The following RALYL variants were observed in gnomAD, a reference collection of about 807,000 sequenced individuals.
RALYL encodes RALY RNA binding protein like.
A neutral mutation model predicts 35.1 loss-of-function variants in RALYL; 29 were observed. That is an observed-to-expected ratio of 0.83 (90% CI 0.61 to 1.13). The LOEUF (loss-of-function observed/expected upper bound fraction) is 1.13, where lower values mean the gene tolerates loss of function less well. Among genes scored for constraint, RALYL ranks in the 50% most tolerant of loss-of-function variants. The pLI, the probability that RALYL is intolerant of heterozygous loss-of-function variation, is 0.00. For synonymous variants in RALYL, 120 were observed against 127.6 expected (o/e 0.94, Z 0.40); for missense variants, 359 against 360.4 (o/e 1.00, Z 0.03).
At chr8:84,881,735 T>C (rs1183015319) in intron 7 of RALYL, among the ~76,000 whole-genome samples, 1 of 152,034 alleles carries the variant, frequency 6.6e-6, no homozygotes, top group Non-Finnish European at 1.5e-5. Context: ...ACCTGTAATT[T>C]GTACTTCTTT....
At chr8:84,217,166 A>G (rs1821032549) in intron 1 of RALYL, among the ~76,000 whole-genome samples, 2 of 152,118 alleles carry the variant, frequency 1.3e-5, no homozygotes, top group African/African-American at 4.8e-5. Context: ...AGCTCTTTCA[A>G]AACTGTGATC....
At position 84,920,923 on chromosome 8, in the gene RALYL, G is replaced by A. The variant is rs74688218; in HGVS notation, c.*12G>A. ...TACAGATAAAGTGATCTGAAATAAC[G>A]CATGATGCCACAAAGCAGAAAAGAG... is the stretch of plus-strand genomic sequence containing the variant. On this transcript the variant is annotated 3_prime_UTR_variant, in exon 9 of 9. Coordinates refer to ENST00000521268, the MANE Select transcript of RALYL (RefSeq NM_173848.7). 1.5e-4 allele frequency: 221 copies of A among 1,434,986 alleles called. No homozygotes were observed. The African/African-American group carries it at 2.8e-3, about 18-fold the overall frequency. The allele number at this position is 1,434,986 out of a possible 1,614,324, so 88.9% of individuals were successfully genotyped here.
chr8:84,584,601 C>CAA (rs34560691), intron 2 of RALYL, among the ~76,000 whole-genome samples: 26,838 of 133,112 alleles, frequency 0.2, 2,635 homozygotes, highest in Non-Finnish European at 0.24. Flanking sequence ...GACTCTGTCT[C>CAA]AAAAAAAAAA....
At chr8:84,482,693 T>G (rs141380932) in intron 1 of RALYL, among the ~76,000 whole-genome samples, 1 of 152,230 alleles carries the variant, frequency 6.6e-6, no homozygotes, top group Admixed American at 6.5e-5. Context: ...GTTTTTACTT[T>G]TTAAATTTCT....
chr8:84,785,569 C>T (rs1031131968), intron 3 of RALYL, among the ~76,000 whole-genome samples: 15 of 152,082 alleles, frequency 9.9e-5, no homozygotes, highest in African/African-American at 3.6e-4. Flanking sequence ...TTAAAGTATT[C>T]ATGTCTTTTG....
chr8:84,902,593 A>C (rs1486977557), intron 8 of RALYL, among the ~76,000 whole-genome samples: 1 of 152,172 alleles, frequency 6.6e-6, no homozygotes, highest in African/African-American at 2.4e-5. Flanking sequence ...CAGGCCTCCA[A>C]ATAGACACTC....
intron 2 of RALYL, among the ~76,000 whole-genome samples, chr8:84,670,609 A>G (rs1387624169): frequency 6.6e-6 from 1 of 152,164 alleles, no homozygotes; most frequent in Non-Finnish European, 1.5e-5. Flanking sequence ...GGAGGAGCAA[A>G]GCTATGTTTT....
intron 2 of RALYL, among the ~76,000 whole-genome samples, chr8:84,586,843 C>T (rs190282963): frequency 3.9e-4 from 59 of 152,140 alleles, no homozygotes; most frequent in African/African-American, 1.3e-3. Context: ...CTACTTGGAC[C>T]AACCATTGCT....
chr8:84,605,079 A>C (rs1321161113), intron 2 of RALYL, among the ~76,000 whole-genome samples: 1 of 152,136 alleles, frequency 6.6e-6, no homozygotes, highest in African/African-American at 2.4e-5. Context: ...AATCAAGGGA[A>C]GTCTCAGAAA....
At chr8:84,667,644 T>C (rs1832349489) in intron 2 of RALYL, among the ~76,000 whole-genome samples, 1 of 152,086 alleles carries the variant, frequency 6.6e-6, no homozygotes, top group Non-Finnish European at 1.5e-5. Flanking sequence ...TCCATTACAT[T>C]TTTTTTCCCT....
chr8:84,913,024 A>G (rs1256743205), intron 8 of RALYL, among the ~76,000 whole-genome samples: 47 of 111,684 alleles, frequency 4.2e-4, no homozygotes, highest in African/African-American at 1.3e-3. Flanking sequence ...GGATGGATGG[A>G]TGGATGGATA....
intron 2 of RALYL, among the ~76,000 whole-genome samples, chr8:84,545,237 C>T (rs151089552): frequency 4.1e-4 from 63 of 152,134 alleles, no homozygotes; most frequent in African/African-American, 1.3e-3. Flanking sequence ...TTAAAATTTC[C>T]GTAAGCAACC....
intron 2 of RALYL, among the ~76,000 whole-genome samples, chr8:84,644,176 A>G (rs931316693): frequency 3.3e-5 from 5 of 152,064 alleles, no homozygotes; most frequent in East Asian, 1.9e-4. Context: ...GGTTTCCACA[A>G]TATGCTTAAG....
intron 2 of RALYL, among the ~76,000 whole-genome samples, chr8:84,708,647 A>G (rs1841626895): frequency 1.3e-5 from 2 of 152,258 alleles, no homozygotes; most frequent in African/African-American, 4.8e-5. Flanking sequence ...GAGTCCATTT[A>G]AATACTAAGT....
rs377233834 is a variant in RALYL at position 84,868,538 on chromosome 8, C to T, written c.572-4746C>T. ...CACATTACTTAACTTCTCTAATATTCACTATTCAAATCCAAAAGTAAGTTT... is the reference window on the plus strand; with the variant it reads ...CACATTACTTAACTTCTCTAATATTTACTATTCAAATCCAAAAGTAAGTTT... On this transcript the variant is annotated intron_variant, in intron 6 of 8. Coordinates refer to ENST00000521268, the MANE Select transcript of RALYL (RefSeq NM_173848.7). Among the ~76,000 whole-genome samples, 65 of 152,262 alleles carry T rather than the reference C, an allele frequency of 4.3e-4. 2 individuals carry two copies. Among genetic ancestry groups the T allele is most frequent in the African/African-American group, 1.5e-3 (62 of 41,570 alleles).
chr8:84,739,154 G>A (rs1488706), intron 2 of RALYL, among the ~76,000 whole-genome samples: 40,890 of 151,804 alleles, frequency 0.27, 5,844 homozygotes, highest in African/African-American at 0.34. Context: ...TTCCTATTAA[G>A]AATTAAACTC....
intron 1 of RALYL, among the ~76,000 whole-genome samples, chr8:84,336,627 G>A (rs573346716): frequency 5.3e-5 from 8 of 152,016 alleles, no homozygotes; most frequent in Non-Finnish European, 1.0e-4. Context: ...TAAAAATAAA[G>A]CAACACAAAT....
At chr8:84,249,192 T>A (rs897957368) in intron 1 of RALYL, among the ~76,000 whole-genome samples, 2 of 152,030 alleles carry the variant, frequency 1.3e-5, no homozygotes, top group African/African-American at 4.8e-5. Flanking sequence ...CAAAATTGGG[T>A]AAGGAATTAA....
intron 3 of RALYL, among the ~76,000 whole-genome samples, chr8:84,800,839 G>A (rs562256586): frequency 2.6e-5 from 4 of 151,816 alleles, no homozygotes; most frequent in African/African-American, 4.8e-5. Flanking sequence ...CTACTAAAAT[G>A]ATCTATTCAT....
Sources: allele counts gnomAD v4.1 joint callset (sites outside exome capture counted in the v4.1 genomes callset), GRCh38; gene constraint gnomAD v4.1.1; transcripts MANE v1.5; gene names NCBI Gene and HGNC (gene_info 2026-07-23, HGNC 2026-07-21).